Variants in MGLL observed in about 807,000 individuals in gnomAD.
MGLL encodes the protein lysophospholipase homolog.
Under a neutral mutation model 29.1 loss-of-function variants are expected in MGLL, and 7 were observed. The ratio of observed to expected loss-of-function variants is 0.24; its 90% CI spans 0.14 to 0.45. The LOEUF (loss-of-function observed/expected upper bound fraction) is 0.45, where lower values mean the gene tolerates loss of function less well. Among genes scored for constraint, MGLL ranks in the 20% least tolerant of loss-of-function variants. The probability of loss-of-function intolerance (pLI) is 0.99; values close to 1 mark genes in which losing one functional copy is unlikely to be tolerated. For missense variants in MGLL, 356 were observed against 413.6 expected, an observed-to-expected ratio of 0.86 and a Z score of 1.21; for synonymous variants, 148 against 168.3, an observed-to-expected ratio of 0.88 and a Z score of 0.93.
At chr3:127,720,898 T>C (rs1017953435) in intron 5 of MGLL, among the ~76,000 whole-genome samples, 155 bp downstream of exon 5, 1 of 152,198 alleles carries the variant, frequency 6.6e-6, no homozygotes, top group Non-Finnish European at 1.5e-5. Context: ...AGAACCCCGG[T>C]GGCAACAGTG....
At chr3:127,804,308 A>G (rs560472149) in intron 2 of MGLL, among the ~76,000 whole-genome samples, 1 of 152,286 alleles carries the variant, frequency 6.6e-6, no homozygotes, top group South Asian at 2.1e-4. Context: ...AGAGGGTTGC[A>G]GGGCCACGGG....
chr3:127,777,690 T>C (rs896056285), intron 3 of MGLL, among the ~76,000 whole-genome samples: 1 of 126,982 alleles, frequency 7.9e-6, no homozygotes, highest in East Asian at 2.1e-4. Context: ...ATGGAGTCCT[T>C]GCACCTGCCT....
chr3:127,813,542 A>G (rs2077701453), intron 2 of MGLL, among the ~76,000 whole-genome samples: 1 of 152,186 alleles, frequency 6.6e-6, no homozygotes, highest in South Asian at 2.1e-4. Flanking sequence ...TGTAGTTTAA[A>G]TTGATCAGAA....
chr3:127,773,277 G>A (rs932202520), intron 3 of MGLL, among the ~76,000 whole-genome samples: 1 of 152,266 alleles, frequency 6.6e-6, no homozygotes, highest in African/African-American at 2.4e-5. Flanking sequence ...TCTAGAGCCA[G>A]ACAGCTTGGG....
chr3:127,734,310 C>T (rs930702882), intron 3 of MGLL, among the ~76,000 whole-genome samples: 3 of 152,192 alleles, frequency 2.0e-5, no homozygotes, highest in Admixed American at 6.5e-5. Flanking sequence ...CCAGCGAGGC[C>T]GGCCTAGAGT....
intron 3 of MGLL, among the ~76,000 whole-genome samples, chr3:127,776,194 G>A (rs1038162463): frequency 2.6e-5 from 4 of 152,088 alleles, no homozygotes; most frequent in African/African-American, 9.7e-5. Context: ...ATCCTTCCAG[G>A]CCCCAGAGCC....
intron 3 of MGLL, among the ~76,000 whole-genome samples, chr3:127,751,328 G>A (rs546914866): frequency 3.3e-5 from 5 of 151,746 alleles, no homozygotes; most frequent in Admixed American, 6.6e-5. Context: ...TGACTCACTC[G>A]GACCAACACA....
At chr3:127,697,685 G>T (rs2075397184) in intron 6 of MGLL, among the ~76,000 whole-genome samples, 1 of 152,232 alleles carries the variant, frequency 6.6e-6, no homozygotes, top group Non-Finnish European at 1.5e-5. Context: ...TGGGTTGACG[G>T]CTTATTTTCT....
chr3:127,721,195 TCGGCTTGCACCAGTGCA>T (rs776324998), intron 4 of MGLL, 32 bp from the exon 5 acceptor site: 1 of 1,586,916 alleles, frequency 6.3e-7, no homozygotes, highest in South Asian at 1.1e-5. Context: ...GCTGCTGTGT[TCGGCTTGCACCAGTGCA>T]CACATTTCTA....
chr3:127,760,197 G>A (rs566394299), intron 3 of MGLL, among the ~76,000 whole-genome samples: 2 of 152,322 alleles, frequency 1.3e-5, no homozygotes, highest in South Asian at 2.1e-4. Context: ...ATGAGCTAAC[G>A]TTTCCATAGG....
chr3:127,740,502 G>A (rs1436392838), intron 3 of MGLL, among the ~76,000 whole-genome samples: 5 of 152,172 alleles, frequency 3.3e-5, no homozygotes, highest in African/African-American at 4.8e-5. Context: ...GACCCAGGTC[G>A]CCGTTTGCTG....
At chr3:127,815,296 G>A (rs748616892) in intron 2 of MGLL, among the ~76,000 whole-genome samples, 30 of 152,238 alleles carry the variant, frequency 2.0e-4, no homozygotes, top group Admixed American at 5.2e-4. Context: ...CAGCCCCACC[G>A]TGTTCCGAGC....
chr3:127,815,674 G>C (rs936489631), intron 2 of MGLL, among the ~76,000 whole-genome samples: 1 of 152,204 alleles, frequency 6.6e-6, no homozygotes, highest in South Asian at 2.1e-4. Context: ...CAGGACACAG[G>C]ACAGAAGGGC....
rs2075204212 is a variant in MGLL, at chr3:127,689,323, C to A, written c.*2875G>T. 1 of 152,162 alleles carries A rather than the reference C, an allele frequency of 6.6e-6. No individual in the cohort carries two copies. The highest frequency in any genetic ancestry group is 6.6e-5 in the Admixed American group (1 of 15,264). The allele number at this position is 152,162 out of a possible 1,614,324, so 9.4% of individuals were successfully genotyped here. ...TGGGATCCTGTGGGTTTTCAGAGCA[C>A]CCACCAGTGCTCCCTCGGTGAGCCC... is the stretch of plus-strand genomic sequence containing the variant. On this transcript the variant is annotated 3_prime_UTR_variant, in exon 8 of 8. Transcript: ENST00000265052.
chr3:127,724,234 C>T (rs2075990181), intron 3 of MGLL, among the ~76,000 whole-genome samples: 1 of 152,192 alleles, frequency 6.6e-6, no homozygotes, highest in African/African-American at 2.4e-5. Context: ...TCCCCCACAC[C>T]CCTGGCACCC....
chr3:127,822,335 C>T lies in MGLL; in HGVS notation c.-17G>A, dbSNP rs777503719. The T allele has an allele frequency of 6.2e-7, 1 of 1,613,704 alleles. No individual in the cohort carries two copies. Among genetic ancestry groups the T allele is most frequent in the Non-Finnish European group, 8.5e-7 (1 of 1,179,622 alleles). ...TGTTTCCATTATGTGCTGGCGTTTG[C>T]ATTCCACAACCACGACAGCCTGGAG... On this transcript the variant is annotated 5_prime_UTR_variant, in exon 1 of 8. It removes an upstream start codon present in the reference 5' UTR. Coordinates refer to ENST00000265052, the MANE Select transcript of MGLL (RefSeq NM_007283.7).
At chr3:127,804,657 T>C (rs2077535129) in intron 2 of MGLL, among the ~76,000 whole-genome samples, 1 of 152,202 alleles carries the variant, frequency 6.6e-6, no homozygotes, top group Non-Finnish European at 1.5e-5. Flanking sequence ...AATGAACATG[T>C]TTCCCCAAAA....
intron 5 of MGLL, among the ~76,000 whole-genome samples, chr3:127,718,365 G>A (rs1444921193): frequency 2.0e-5 from 3 of 152,200 alleles, no homozygotes; most frequent in Non-Finnish European, 4.4e-5. Context: ...ACTCAGGGAA[G>A]CCCCTCAGCC....
At position 127,757,544 on chromosome 3, in the gene MGLL, C is replaced by T. The variant is rs575383547; in HGVS notation, c.262+24245G>A. Among the ~76,000 whole-genome samples, 17 of 152,252 alleles carry T rather than the reference C, an allele frequency of 1.1e-4. No individual in the cohort carries two copies. The East Asian group carries it at 1.7e-3, about 16-fold the overall frequency. On this transcript the variant is annotated intron_variant, in intron 3 of 7. Coordinates refer to ENST00000265052, the MANE Select transcript of MGLL (RefSeq NM_007283.7). ...TTGATGACTTAGCTCTGGAACTCTC[C>T]GCTTTCAAAGAACACTGAGATTAGC...
Sources: gnomAD v4.1 joint callset for allele counts (sites outside exome capture counted in the v4.1 genomes callset) on GRCh38, gnomAD v4.1.1 for gene constraint, MANE v1.5 for transcripts, NCBI Gene and HGNC (gene_info 2026-07-23, HGNC 2026-07-21) for gene names.